Variants in LYST observed in about 807,000 individuals in gnomAD.
The protein encoded by LYST is lysosomal trafficking regulator, also known as lysosomal-trafficking regulator.
LYST carries 192 observed loss-of-function variants against 413.6 expected under a neutral mutation model. That is an observed-to-expected ratio of 0.46 (90% confidence interval 0.41 to 0.52). The LOEUF (loss-of-function observed/expected upper bound fraction) is 0.52. Ranked by LOEUF, LYST falls within the 20% of genes least tolerant of loss-of-function variation. LYST has a pLI of 0.00. For synonymous variants in LYST, 1,525 were observed against 1,567.3 expected (o/e 0.97, Z 0.64); for missense variants, 3,815 against 4,499.9 (o/e 0.85, Z 4.35).
At chr1:235,737,915 G>GAAGCTGGA in intron 31 of LYST, 13 of 1,160,568 alleles carry the variant, frequency 1.1e-5, no homozygotes, top group East Asian at 8.4e-5. Flanking sequence ...CGCTGCCGAC[G>GAAGCTGGA]AGTCTGGATC....
Position 235,802,696 on chromosome 1 carries a change from A to AACCACTCAGATG in LYST, c.3712+200_3712+211dup, listed in dbSNP as rs1310684526. ...ACTCTGTCCTTCACTCCATGTTCTT[A>AACCACTCAGATG]ACCACTCAGATGATGTTTGTGATAA... On this transcript the variant is annotated intron_variant, in intron 8 of 52. Transcript: ENST00000389793. Among the ~76,000 whole-genome samples, 5 of 152,328 alleles carry AACCACTCAGATG rather than the reference A, an allele frequency of 3.3e-5. No homozygotes were observed. The East Asian group carries it at 9.6e-4, about 29-fold the overall frequency.
chr1:235,784,175 T>C (rs890911911), intron 14 of LYST, among the ~76,000 whole-genome samples: 8 of 152,206 alleles, frequency 5.3e-5, no homozygotes, highest in African/African-American at 1.9e-4. Flanking sequence ...GCACCATGCC[T>C]GGCCTAGAAA....
intron 13 of LYST, 121 bp from the exon 14 acceptor site, chr1:235,787,494 A>T: frequency 3.6e-6 from 3 of 843,208 alleles, no homozygotes; most frequent in Non-Finnish European, 5.8e-6. Context: ...TATTTTTTTT[A>T]AAGTGCTTGA....
intron 48 of LYST, among the ~76,000 whole-genome samples, chr1:235,685,074 A>T (rs192855066): frequency 7.2e-5 from 11 of 152,206 alleles, no homozygotes; most frequent in Admixed American, 4.6e-4. Flanking sequence ...CAAAATCCCC[A>T]TGCCTTTGAT....
At chr1:235,777,370 G>A in intron 16 of LYST, 62 bp from the exon 17 acceptor site, 2 of 1,435,016 alleles carry the variant, frequency 1.4e-6, no homozygotes, top group East Asian at 4.6e-5. Flanking sequence ...CTATGAACTA[G>A]CAAGTAAGTA....
intron 29 of LYST, among the ~76,000 whole-genome samples, chr1:235,745,248 T>C (rs1039685170): frequency 3.9e-5 from 6 of 152,192 alleles, no homozygotes; most frequent in African/African-American, 1.2e-4. Context: ...ACATGATTTA[T>C]AGTGCTTTGG....
chr1:235,806,900 CAATT>C, intron 5 of LYST, 128 bp from the exon 6 acceptor site: 1 of 684,802 alleles, frequency 1.5e-6, no homozygotes, highest in East Asian at 2.7e-5. Flanking sequence ...TTTTATTCAT[CAATT>C]ATCAGGCTAA....
intron 1 of LYST, among the ~76,000 whole-genome samples, chr1:235,837,305 GAA>G (rs1676679025): frequency 1.3e-5 from 2 of 152,226 alleles, no homozygotes; most frequent in Admixed American, 6.5e-5. Context: ...GCTTGAAACA[GAA>G]AAGAGTAACC....
intron 45 of LYST, among the ~76,000 whole-genome samples, chr1:235,698,733 C>T (rs754209034): frequency 7.2e-5 from 11 of 151,958 alleles, no homozygotes; most frequent in Non-Finnish European, 1.0e-4. Context: ...TTTAACTGGG[C>T]GTGGTGGCGG....
intron 47 of LYST, among the ~76,000 whole-genome samples, chr1:235,688,636 AC>A (rs1387320627): frequency 6.6e-6 from 1 of 152,170 alleles, no homozygotes; most frequent in East Asian, 1.9e-4. Flanking sequence ...TCTAGACTCT[AC>A]TGATGATGAT....
chr1:235,746,458 T>G lies in LYST; in HGVS notation c.7850A>C (p.Glu2617Ala), dbSNP rs1485712115. 1 of 1,613,648 alleles carries G rather than the reference T, an allele frequency of 6.2e-7. No individual in the cohort carries two copies. The highest frequency in any genetic ancestry group is 8.5e-7 in the Non-Finnish European group (1 of 1,179,646). ...LMKMRSVAND[E>A]LHVMMQRRMS... ...TCTCCGTTGCATCATCACATGAAGC[T>G]CATCATTTGCCACTGAACGCATTTT... The change falls in exon 29 of 53, where the codon GAG (glutamate) becomes GCG (alanine). Residue 2617 changes from glutamate to alanine, a missense_variant. Physicochemically the swap from Glu to Ala is moderately radical, Grantham distance 107. Coordinates refer to ENST00000389793, the MANE Select transcript of LYST (RefSeq NM_000081.4).
intron 34 of LYST, among the ~76,000 whole-genome samples, chr1:235,731,900 T>C (rs1319710523): frequency 6.6e-6 from 1 of 152,202 alleles, no homozygotes; most frequent in East Asian, 1.9e-4. Context: ...AATCAATTTC[T>C]TTCTGTGGTA....
chr1:235,707,091 T>C (rs1662049232), intron 44 of LYST, among the ~76,000 whole-genome samples: 1 of 152,188 alleles, frequency 6.6e-6, no homozygotes. Flanking sequence ...TTTCAGAATC[T>C]GCTTTTTCAC....
Position 235,664,513 on chromosome 1 carries a change from C to G in LYST, c.11147G>C (p.Gly3716Ala), listed in dbSNP as rs1349321071. Reference sequence around the variant, plus strand: ...CCCAGCGATTACATTGATAGATACTCCCTCAGGCTGGTTGGAGAAAGCCAC... The same window carrying G: ...CCCAGCGATTACATTGATAGATACTGCCTCAGGCTGGTTGGAGAAAGCCAC... ...CSVAFSNQPE[G>A]VSINVIAGGL... The change falls in exon 51 of 53, where the codon GGA (glycine) becomes GCA (alanine). Residue 3716 changes from glycine to alanine, a missense_variant. By Grantham distance (60) the Gly-to-Ala change is moderately conservative. Coordinates refer to ENST00000389793, the MANE Select transcript of LYST (RefSeq NM_000081.4). This position sits in a 1 kb window ranked among gnomAD's most constrained non-coding sequence, Gnocchi z 4.5. The G allele has an allele frequency of 6.2e-7, 1 of 1,614,028 alleles. No individual in the cohort carries two copies. The highest frequency in any genetic ancestry group is 8.5e-7 in the Non-Finnish European group (1 of 1,180,004).
intron 11 of LYST, among the ~76,000 whole-genome samples, chr1:235,792,875 GC>G: frequency 6.6e-6 from 1 of 151,894 alleles, no homozygotes; most frequent in African/African-American, 2.4e-5. Flanking sequence ...TATTGGTCAG[GC>G]TGGTCTCGAA....
intron 29 of LYST, 37 bp from the exon 30 acceptor site, chr1:235,744,194 T>C: frequency 9.2e-7 from 1 of 1,089,784 alleles, no homozygotes; most frequent in Non-Finnish European, 1.4e-6. Flanking sequence ...ATTAGTCATA[T>C]CACTGCTATC....
At position 235,849,506 on chromosome 1, in the gene LYST, G is replaced by A. The variant is rs576289766; in HGVS notation, c.-97-15839C>T. Among the ~76,000 whole-genome samples the A allele has an allele frequency of 2.2e-3, 329 of 152,162 alleles. 2 individuals are homozygous for A. The highest frequency in any genetic ancestry group is 7.7e-3 in the African/African-American group (318 of 41,500). ...ACTCCCCTTCAACATAGTACTGGAA[G>A]TCCTAGCCAGAGCAATCAGACAAGA... is the stretch of plus-strand genomic sequence containing the variant. On this transcript the variant is annotated intron_variant, in intron 1 of 52. Transcript: ENST00000389793.
rs573233156 is a variant in LYST at position 235,772,048 on chromosome 1, C to T, written c.5785-1751G>A. 4.1e-4 allele frequency among the ~76,000 whole-genome samples: 61 copies of T among 147,416 alleles called. 1 individual carries two copies. The highest frequency in any genetic ancestry group is 3.1e-3 in the Admixed American group (45 of 14,360). On this transcript the variant is annotated intron_variant, in intron 19 of 52. Coordinates refer to ENST00000389793, the MANE Select transcript of LYST (RefSeq NM_000081.4). ...GACCAGCCTGGGCAATATAGTGAGA[C>T]TTCATCTCTACAAAAAAAAATTAAA...
At chr1:235,777,872 C>T (rs1209247850) in intron 16 of LYST, among the ~76,000 whole-genome samples, 1 of 152,018 alleles carries the variant, frequency 6.6e-6, no homozygotes, top group Non-Finnish European at 1.5e-5. Flanking sequence ...GTGTGGCTCC[C>T]TGTCAAGATT....
Sources: gnomAD v4.1 joint callset for allele counts (sites outside exome capture counted in the v4.1 genomes callset) on GRCh38, gnomAD v4.1.1 for gene constraint, Gnocchi (gnomAD v3.1) non-coding constraint, MANE v1.5 for transcripts, NCBI Gene and HGNC (gene_info 2026-07-23, HGNC 2026-07-21) for gene names.